The following CCBE1 variants were observed in gnomAD, a reference collection of about 807,000 sequenced individuals.
CCBE1 encodes collagen and calcium binding EGF domains 1, also known as collagen and calcium-binding EGF domain-containing protein 1.
Under a neutral mutation model 50.0 loss-of-function variants are expected in CCBE1, and 37 were observed. The observed-to-expected ratio is 0.74, with a 90% CI of 0.57 to 0.97. CCBE1 has a LOEUF of 0.97. Among genes scored for constraint, CCBE1 ranks in the 50% least tolerant of loss-of-function variants. CCBE1 has a pLI of 0.00. For synonymous variants in CCBE1, 234 were observed against 203.7 expected (o/e 1.15, Z -1.27); for missense variants, 538 against 523.8 (o/e 1.03, Z -0.26).
At chr18:59,514,194 G>A (rs900474760) in intron 2 of CCBE1, among the ~76,000 whole-genome samples, 2 of 152,144 alleles carry the variant, frequency 1.3e-5, no homozygotes, top group Non-Finnish European at 2.9e-5. Context: ...ATCCCAAACA[G>A]TTACGGATCC....
chr18:59,595,259 C>T (rs2053334883), intron 2 of CCBE1, among the ~76,000 whole-genome samples: 2 of 150,954 alleles, frequency 1.3e-5, no homozygotes, highest in Admixed American at 1.3e-4. Context: ...ACCTATCCTT[C>T]CCCCAGACAA....
chr18:59,608,119 C>T (rs972439816), intron 2 of CCBE1, among the ~76,000 whole-genome samples: 2 of 151,542 alleles, frequency 1.3e-5, no homozygotes, highest in African/African-American at 4.9e-5. Flanking sequence ...GACTCCGTCT[C>T]GAAAAATAAT....
At chr18:59,535,098 TA>T (rs1367329317) in intron 2 of CCBE1, among the ~76,000 whole-genome samples, 2 of 152,218 alleles carry the variant, frequency 1.3e-5, no homozygotes, top group African/African-American at 4.8e-5. Flanking sequence ...AAAACTGCAC[TA>T]AAATGTCTTT....
Position 59,618,742 on chromosome 18 carries a change from T to G in CCBE1, c.212+77887A>C, listed in dbSNP as rs532986436. Among the ~76,000 whole-genome samples, 6 of 152,264 alleles carry G rather than the reference T, an allele frequency of 3.9e-5. No individual in the cohort carries two copies. In the South Asian group the frequency reaches 1.2e-3, roughly 32 times the overall value. On this transcript the variant is annotated intron_variant, in intron 2 of 10. Transcript: ENST00000439986. Reference sequence around the variant, plus strand: ...CACACCCGGCCTAGAAAAGTTTCTTTGCAGCTAAACCTTGAGGGCCATTAA... The same window carrying G: ...CACACCCGGCCTAGAAAAGTTTCTTGGCAGCTAAACCTTGAGGGCCATTAA...
intron 2 of CCBE1, among the ~76,000 whole-genome samples, chr18:59,560,941 T>C (rs2052727698): frequency 6.6e-6 from 1 of 152,230 alleles, no homozygotes; most frequent in Non-Finnish European, 1.5e-5. Context: ...GTAGTCCTAA[T>C]GCAAGATAAG....
intron 2 of CCBE1, among the ~76,000 whole-genome samples, chr18:59,695,712 C>T (rs890752722): frequency 3.3e-5 from 5 of 152,312 alleles, no homozygotes; most frequent in African/African-American, 1.2e-4. Flanking sequence ...TTTCTAGGGA[C>T]TGCTGCGTTA....
intron 2 of CCBE1, among the ~76,000 whole-genome samples, chr18:59,573,650 GCA>G (rs911738924): frequency 2.0e-5 from 3 of 148,056 alleles, no homozygotes; most frequent in Non-Finnish European, 2.9e-5. Context: ...GGTTCAAAGT[GCA>G]GAGAAAAAAA....
At chr18:59,613,825 T>G (rs978536558) in intron 2 of CCBE1, among the ~76,000 whole-genome samples, 1 of 151,554 alleles carries the variant, frequency 6.6e-6, no homozygotes. Flanking sequence ...TTAATTATCT[T>G]TTTAAAATTG....
intron 2 of CCBE1, among the ~76,000 whole-genome samples, chr18:59,527,950 G>A (rs182129644): frequency 2.0e-5 from 3 of 152,242 alleles, no homozygotes; most frequent in African/African-American, 7.2e-5. Context: ...CTGTGATTGT[G>A]TGTCGTGGGG....
At chr18:59,611,094 G>C (rs1287694118) in intron 2 of CCBE1, among the ~76,000 whole-genome samples, 1 of 152,212 alleles carries the variant, frequency 6.6e-6, no homozygotes, top group Non-Finnish European at 1.5e-5. Flanking sequence ...AAAGGACTGG[G>C]AGCTCCACAC....
chr18:59,461,207 G>A (rs1434829956), intron 5 of CCBE1, among the ~76,000 whole-genome samples: 1 of 151,712 alleles, frequency 6.6e-6, no homozygotes, highest in African/African-American at 2.4e-5. Flanking sequence ...TCAAGCCTAG[G>A]AACTTTCCAC....
chr18:59,695,676 T>G (rs570132654), intron 2 of CCBE1, among the ~76,000 whole-genome samples: 16 of 152,342 alleles, frequency 1.1e-4, no homozygotes, highest in African/African-American at 3.8e-4. Context: ...TTATAAGGAA[T>G]AAAACATTGT....
At position 59,434,047 on chromosome 18, in the gene CCBE1, G is replaced by T. The variant is rs1192851582; in HGVS notation, c.*1861C>A. On this transcript the variant is annotated 3_prime_UTR_variant, in exon 11 of 11. Transcript: ENST00000439986. Reference sequence around the variant, plus strand: ...TGGGATTACAGGTGTGTGCCAACACGCCCAGCTAATTTTTGTATTTTTAGT... The same window carrying T: ...TGGGATTACAGGTGTGTGCCAACACTCCCAGCTAATTTTTGTATTTTTAGT... 1.3e-5 allele frequency: 2 copies of T among 151,022 alleles called. No individual in the cohort carries two copies. Among genetic ancestry groups the T allele is most frequent in the Non-Finnish European group, 2.9e-5 (2 of 67,964 alleles). The allele number at this position is 151,022 out of a possible 1,614,324, so 9.4% of individuals were successfully genotyped here. A position where few individuals can be genotyped will look rare whatever the true frequency, so the allele number is the denominator to read the frequency against.
At chr18:59,652,479 C>G (rs977428171) in intron 2 of CCBE1, among the ~76,000 whole-genome samples, 3 of 109,708 alleles carry the variant, frequency 2.7e-5, no homozygotes, top group South Asian at 2.8e-4. Context: ...CTGACTCCCC[C>G]CCTTTTTTTT....
At chr18:59,454,730 T>C in intron 6 of CCBE1, 121 bp downstream of exon 6, 1 of 863,824 alleles carries the variant, frequency 1.2e-6, no homozygotes, top group Non-Finnish European at 1.9e-6. Flanking sequence ...CAAACCTCAC[T>C]GGCATCAACT....
chr18:59,639,681 A>G (rs11152165), intron 2 of CCBE1, among the ~76,000 whole-genome samples: 66,422 of 152,110 alleles, frequency 0.44, 16,429 homozygotes, highest in Non-Finnish European at 0.56. Context: ...GTATCAAAAT[A>G]TTAAGAGAGG....
chr18:59,615,149 C>A (rs2053620325), intron 2 of CCBE1, among the ~76,000 whole-genome samples: 1 of 152,326 alleles, frequency 6.6e-6, no homozygotes, highest in South Asian at 2.1e-4. Context: ...ATGGCTGAGC[C>A]TCCTAGTCTC....
At chr18:59,694,079 C>T (rs761418806) in intron 2 of CCBE1, among the ~76,000 whole-genome samples, 5 of 151,894 alleles carry the variant, frequency 3.3e-5, no homozygotes, top group Non-Finnish European at 7.4e-5. Flanking sequence ...ATCATGTTGG[C>T]CAGAATGGTC....
At chr18:59,489,397 CTTA>C (rs1449411065) in intron 2 of CCBE1, among the ~76,000 whole-genome samples, 1 of 149,916 alleles carries the variant, frequency 6.7e-6, no homozygotes, top group Non-Finnish European at 1.5e-5. Flanking sequence ...GATTAACTTT[CTTA>C]TTTTTCTTCT....
Sources: allele counts gnomAD v4.1 joint callset (sites outside exome capture counted in the v4.1 genomes callset), GRCh38; gene constraint gnomAD v4.1.1; transcripts MANE v1.5; gene names NCBI Gene and HGNC (gene_info 2026-07-23, HGNC 2026-07-21).